Variants in VEPH1 observed in about 807,000 individuals in gnomAD.
VEPH1 encodes ventricular zone expressed PH domain containing 1.
VEPH1 carries 80 observed loss-of-function variants against 85.2 expected under a neutral mutation model. That is an observed-to-expected ratio of 0.94 (90% CI 0.78 to 1.13). VEPH1 has a LOEUF of 1.13. Ranked by LOEUF, VEPH1 falls within the 50% of genes most tolerant of loss-of-function variation. VEPH1 has a pLI of 0.00. For synonymous variants in VEPH1, 297 were observed against 348.0 expected (o/e 0.85, Z 1.63); for missense variants, 955 against 980.5 (o/e 0.97, Z 0.35).
intron 12 of VEPH1, among the ~76,000 whole-genome samples, chr3:157,274,635 C>G (rs1049719166): frequency 9.2e-5 from 14 of 152,094 alleles, no homozygotes; most frequent in African/African-American, 3.4e-4. Context: ...GTAACTAGGA[C>G]TACAAGTGCA....
At chr3:157,410,353 C>T (rs1402040452) in intron 6 of VEPH1, among the ~76,000 whole-genome samples, 1 of 152,054 alleles carries the variant, frequency 6.6e-6, no homozygotes, top group Non-Finnish European at 1.5e-5. Flanking sequence ...GCAGTTTTTG[C>T]CTTTCTTTCT....
At chr3:157,388,419 T>C (rs1216922235) in intron 6 of VEPH1, among the ~76,000 whole-genome samples, 1 of 152,198 alleles carries the variant, frequency 6.6e-6, no homozygotes, top group African/African-American at 2.4e-5. Flanking sequence ...GGGGAGCAAT[T>C]CTTTGCCCCA....
intron 9 of VEPH1, among the ~76,000 whole-genome samples, chr3:157,345,666 C>A (rs1485563043): frequency 6.6e-6 from 1 of 152,152 alleles, no homozygotes; most frequent in Non-Finnish European, 1.5e-5. Context: ...TTGACCCAGC[C>A]ATCCCATTGC....
intron 1 of VEPH1, among the ~76,000 whole-genome samples, chr3:157,498,976 C>G (rs765243252): frequency 2.0e-5 from 3 of 152,164 alleles, no homozygotes; most frequent in African/African-American, 4.8e-5. Context: ...TTGCTAGACA[C>G]TAGATGCTTT....
intron 9 of VEPH1, among the ~76,000 whole-genome samples, chr3:157,360,422 G>A (rs182377316): frequency 2.5e-4 from 38 of 152,032 alleles, no homozygotes; most frequent in South Asian, 1.0e-3. Context: ...GGAAACATCA[G>A]TATCAAAAGA....
chr3:157,366,942 C>G (rs6801110), intron 7 of VEPH1, among the ~76,000 whole-genome samples: 110,602 of 151,974 alleles, frequency 0.73, 41,114 homozygotes, highest in African/African-American at 0.87. Flanking sequence ...CCAGAGAGGA[C>G]AGCAGTCCTG....
rs1056966209 is a variant in VEPH1, at chr3:157,259,800, A to C, written c.*1334T>G. Reference sequence around the variant, plus strand: ...AAAGTTTCTGTGGGTCAGGAGTCCAAACGTGATTTAGCTGGGTCCTCTGCT... The same window carrying C: ...AAAGTTTCTGTGGGTCAGGAGTCCACACGTGATTTAGCTGGGTCCTCTGCT... On this transcript the variant is annotated 3_prime_UTR_variant, in exon 14 of 14. Transcript: ENST00000362010. 6.6e-6 allele frequency: 1 copy of C among 152,210 alleles called. No homozygotes were observed. The highest frequency in any genetic ancestry group is 1.5e-5 in the Non-Finnish European group (1 of 68,042). The allele number at this position is 152,210 out of a possible 1,614,324, so 9.4% of individuals were successfully genotyped here.
rs151166199 is a variant in VEPH1 at position 157,265,576 on chromosome 3, G to A, written c.2215C>T (p.Arg739Cys). 9.7e-5 allele frequency: 156 copies of A among 1,613,240 alleles called. No individual in the cohort carries two copies. Among genetic ancestry groups the A allele is most frequent in the Non-Finnish European group, 1.2e-4 (147 of 1,179,546 alleles). The change falls in exon 13 of 14, where the codon CGC (arginine) becomes TGC (cysteine). Residue 739 changes from arginine to cysteine, a missense_variant. Transcript: ENST00000362010. ...RWKFIKRWKT[R>C]YFTLAGNQLL... is the part of the protein sequence containing the mutation. ...TGATTTCCAGCCAGTGTAAAATAGC[G>A]TGTTTTCCACCTTTTGATGAACTTC...
At chr3:157,313,230 T>G (rs1412994213) in intron 11 of VEPH1, among the ~76,000 whole-genome samples, 1 of 151,904 alleles carries the variant, frequency 6.6e-6, no homozygotes, top group Non-Finnish European at 1.5e-5. Flanking sequence ...GATGGAGTCT[T>G]GCCATGATGT....
At chr3:157,438,813 T>A (rs1021022522) in intron 4 of VEPH1, among the ~76,000 whole-genome samples, 6 of 152,234 alleles carry the variant, frequency 3.9e-5, no homozygotes, top group African/African-American at 1.4e-4. Context: ...CTCCTTTGTA[T>A]GCCAAAACTT....
At chr3:157,438,039 A>ACG (rs1733802417) in intron 4 of VEPH1, 1 of 436,398 alleles carries the variant, frequency 2.3e-6, no homozygotes, top group Non-Finnish European at 3.8e-6. Flanking sequence ...GCGCGCGCGC[A>ACG]CACACACACA....
chr3:157,306,537 G>T (rs1050101416), intron 11 of VEPH1, among the ~76,000 whole-genome samples: 1 of 150,744 alleles, frequency 6.6e-6, no homozygotes, highest in Non-Finnish European at 1.5e-5. Flanking sequence ...ATACCACAAC[G>T]TTTTTTTTCC....
chr3:157,459,307 T>C (rs1735630399), intron 4 of VEPH1, among the ~76,000 whole-genome samples: 1 of 152,090 alleles, frequency 6.6e-6, no homozygotes, highest in Non-Finnish European at 1.5e-5. Flanking sequence ...ATGGACAAAA[T>C]AGCAGTATGG....
intron 5 of VEPH1, among the ~76,000 whole-genome samples, chr3:157,426,472 T>C (rs78512587): frequency 0.077 from 11,766 of 152,254 alleles, 702 homozygotes; most frequent in South Asian, 0.24. Flanking sequence ...GTTCACATTA[T>C]TTTTGAACCA....
chr3:157,394,223 A>G (rs755371832), intron 6 of VEPH1, among the ~76,000 whole-genome samples: 5 of 152,256 alleles, frequency 3.3e-5, no homozygotes, highest in African/African-American at 4.8e-5. Flanking sequence ...ATAAACATTA[A>G]TATGGCAAAT....
At chr3:157,432,102 C>G (rs555787395) in intron 4 of VEPH1, among the ~76,000 whole-genome samples, 1 of 152,212 alleles carries the variant, frequency 6.6e-6, no homozygotes, top group East Asian at 1.9e-4. Flanking sequence ...CCCGCCTCAG[C>G]CTCTCAAAGT....
At chr3:157,330,603 C>T (rs1003052765) in intron 9 of VEPH1, among the ~76,000 whole-genome samples, 4 of 152,172 alleles carry the variant, frequency 2.6e-5, no homozygotes, top group African/African-American at 9.7e-5. Context: ...AATGAAGGGT[C>T]TTTCTCAGGA....
chr3:157,492,143 G>C (rs1349507318), intron 2 of VEPH1, among the ~76,000 whole-genome samples: 1 of 152,104 alleles, frequency 6.6e-6, no homozygotes, highest in African/African-American at 2.4e-5. Flanking sequence ...ATCTTTTGAT[G>C]GGTGACTTTG....
intron 9 of VEPH1, among the ~76,000 whole-genome samples, chr3:157,331,633 G>C (rs1044040181): frequency 2.6e-5 from 4 of 152,224 alleles, no homozygotes; most frequent in Non-Finnish European, 5.9e-5. Flanking sequence ...GCCTAGCATA[G>C]CACAGTAAAT....
Sources: gnomAD v4.1 joint callset for allele counts (sites outside exome capture counted in the v4.1 genomes callset) on GRCh38, gnomAD v4.1.1 for gene constraint, MANE v1.5 for transcripts, NCBI Gene and HGNC (gene_info 2026-07-23, HGNC 2026-07-21) for gene names.